The following SDC3 variants were observed in gnomAD, a reference collection of about 807,000 sequenced individuals.
SDC3 encodes syndecan-3.
In SDC3, 13 loss-of-function variants were observed where a neutral mutation model predicts 24.4. The observed-to-expected ratio is 0.53, with a 90% CI of 0.35 to 0.85. SDC3 has a LOEUF of 0.85. SDC3 is among the 40% of genes least tolerant of loss of function. The pLI is 0.01. For missense variants in SDC3, 571 were observed against 584.5 expected (o/e 0.98, Z 0.24); for synonymous variants, 295 against 260.9 (o/e 1.13, Z -1.26).
intron 1 of SDC3, among the ~76,000 whole-genome samples, chr1:30,902,479 T>C (rs957678074): frequency 1.3e-5 from 2 of 152,090 alleles, no homozygotes; most frequent in Admixed American, 1.3e-4. Context: ...TCAACAAATA[T>C]TTACCAAGAG....
intron 1 of SDC3, among the ~76,000 whole-genome samples, chr1:30,903,947 G>A (rs1215166185): frequency 1.3e-5 from 2 of 152,090 alleles, no homozygotes; most frequent in African/African-American, 4.8e-5. Flanking sequence ...GTTCTGGCTG[G>A]GGGTTGTGGC....
rs1489216699 is a variant in SDC3, at chr1:30,908,732, G to GC, written c.-147_-146insG. 5 of 180,308 alleles carry GC rather than the reference G, an allele frequency of 2.8e-5. No homozygotes were observed. Among genetic ancestry groups the GC allele is most frequent in the African/African-American group, 1.2e-4 (5 of 40,524 alleles). 11.2% of individuals were successfully genotyped at this position (180,308 alleles called of 1,614,324 possible). A position where few individuals can be genotyped will look rare whatever the true frequency, so the allele number is the denominator to read the frequency against. ...TCGCGGGCTCCCGGCTCGGCCGCCC[G>GC]GCTCCGCCTCGCAGCTCCGCGCCCA... On this transcript the variant is annotated 5_prime_UTR_variant, in exon 1 of 5. Transcript: ENST00000339394.
intron 1 of SDC3, among the ~76,000 whole-genome samples, chr1:30,897,629 G>A (rs573802671): frequency 1.3e-5 from 2 of 151,790 alleles, no homozygotes; most frequent in Non-Finnish European, 2.9e-5. Context: ...ATCCTGTAGG[G>A]ATACCATGCT....
chr1:30,905,050 T>G (rs978551936), intron 1 of SDC3, among the ~76,000 whole-genome samples: 1 of 152,236 alleles, frequency 6.6e-6, no homozygotes, highest in Non-Finnish European at 1.5e-5. Flanking sequence ...CATACAGCTG[T>G]GGTGTCCCTG....
At chr1:30,894,641 G>GTA (rs1245190826) in intron 1 of SDC3, among the ~76,000 whole-genome samples, 1 of 26,744 alleles carries the variant, frequency 3.7e-5, no homozygotes, top group Non-Finnish European at 6.6e-5. Flanking sequence ...GTGTGTGGGT[G>GTA]TGTGTGGGGT....
At chr1:30,905,356 A>AACACACACAC (rs74721441) in intron 1 of SDC3, among the ~76,000 whole-genome samples, 1,249 of 77,246 alleles carry the variant, frequency 0.016, 14 homozygotes, top group Non-Finnish European at 0.022. Flanking sequence ...CTCTCTCACA[A>AACACACACAC]ACACACACAC....
intron 3 of SDC3, among the ~76,000 whole-genome samples, chr1:30,876,304 A>G (rs1176246144): frequency 6.6e-6 from 1 of 152,040 alleles, no homozygotes; most frequent in Non-Finnish European, 1.5e-5. Context: ...TCACCAATGC[A>G]CACGTTCACC....
intron 2 of SDC3, chr1:30,878,384 C>A: frequency 2.1e-6 from 1 of 466,066 alleles, no homozygotes. Flanking sequence ...AAGATGCAGA[C>A]GTGGGACCCT....
At chr1:30,907,742 GCCACACACGC>G (rs544633410) in intron 1 of SDC3, among the ~76,000 whole-genome samples, 134 of 151,758 alleles carry the variant, frequency 8.8e-4, no homozygotes, top group Middle Eastern at 3.4e-3. Flanking sequence ...CACTGAGTTG[GCCACACACGC>G]CCACACACGC....
chr1:30,900,845 G>T (rs1381643225), intron 1 of SDC3, among the ~76,000 whole-genome samples: 1 of 152,042 alleles, frequency 6.6e-6, no homozygotes, highest in Non-Finnish European at 1.5e-5. Context: ...GTCCTAGCTG[G>T]CAGTGCAGGG....
At chr1:30,877,721 G>A (rs573282222) in intron 2 of SDC3, 45 of 158,092 alleles carry the variant, frequency 2.8e-4, no homozygotes, top group Non-Finnish European at 5.7e-4. Flanking sequence ...AAATGAGATG[G>A]GGAGTAGGGG....
chr1:30,899,337 G>A (rs558335622), intron 1 of SDC3, among the ~76,000 whole-genome samples: 53 of 152,202 alleles, frequency 3.5e-4, no homozygotes, highest in East Asian at 7.7e-4. Context: ...TGCTCGCCTC[G>A]GCCTCCCAAA....
intron 1 of SDC3, among the ~76,000 whole-genome samples, chr1:30,894,529 T>TAA (rs1639967766): frequency 9.3e-6 from 1 of 107,328 alleles, no homozygotes; most frequent in Non-Finnish European, 1.9e-5. Context: ...TGTGAGTGGG[T>TAA]GAGAGTGTGC....
intron 1 of SDC3, among the ~76,000 whole-genome samples, chr1:30,907,336 G>C (rs76931768): frequency 0.028 from 4,309 of 152,242 alleles, 94 homozygotes; most frequent in East Asian, 0.074. Context: ...CATCCCTGAC[G>C]GAGCTGGGAC....
At position 30,872,322 on chromosome 1, in the gene SDC3, G is replaced by A. The variant is rs994777251; in HGVS notation, c.*889C>T. 1.3e-5 allele frequency: 2 copies of A among 152,500 alleles called. No homozygotes were observed. The highest frequency in any genetic ancestry group is 4.8e-5 in the African/African-American group (2 of 41,584). 9.4% of individuals were successfully genotyped at this position (152,500 alleles called of 1,614,324 possible). ...GTGACCATGACTAGTGACTTGCATT[G>A]CAGTACGTGTCTGGGGGTGTGTAAG... On this transcript the variant is annotated 3_prime_UTR_variant, in exon 5 of 5. Transcript: ENST00000339394.
chr1:30,884,362 C>T (rs1483733138), intron 1 of SDC3, among the ~76,000 whole-genome samples: 2 of 152,106 alleles, frequency 1.3e-5, no homozygotes, highest in African/African-American at 4.8e-5. Context: ...CAAACCAAAC[C>T]TATCCCCACC....
intron 1 of SDC3, among the ~76,000 whole-genome samples, chr1:30,898,297 C>T (rs1638326020): frequency 6.6e-6 from 1 of 152,154 alleles, no homozygotes; most frequent in South Asian, 2.1e-4. Flanking sequence ...CAATGTGCTG[C>T]CATCTGTCAA....
intron 1 of SDC3, among the ~76,000 whole-genome samples, chr1:30,893,452 C>T (rs1434280569): frequency 6.6e-6 from 1 of 152,078 alleles, no homozygotes; most frequent in Admixed American, 6.5e-5. Context: ...ATGCCAGCTG[C>T]ACTTCCACTA....
chr1:30,898,291 G>A (rs1012123209), intron 1 of SDC3, among the ~76,000 whole-genome samples: 1 of 152,104 alleles, frequency 6.6e-6, no homozygotes, highest in Non-Finnish European at 1.5e-5. Context: ...CCCTATCAAT[G>A]TGCTGCCATC....
Sources: gnomAD v4.1 joint callset for allele counts (sites outside exome capture counted in the v4.1 genomes callset) on GRCh38, gnomAD v4.1.1 for gene constraint, MANE v1.5 for transcripts, NCBI Gene and HGNC (gene_info 2026-07-23, HGNC 2026-07-21) for gene names.